SPTSSB: variants seen among roughly 807,000 people sequenced by gnomAD.
SPTSSB encodes androgen down regulated in mouse prostate.
A neutral mutation model predicts 7.7 loss-of-function variants in SPTSSB; 6 were observed. The observed-to-expected ratio is 0.78, with a 90% CI of 0.43 to 1.54. The LOEUF (loss-of-function observed/expected upper bound fraction) is 1.54, where lower values mean the gene tolerates loss of function less well. Ranked by LOEUF, SPTSSB falls within the 40% of genes most tolerant of loss-of-function variation. The pLI is 0.01. For synonymous variants in SPTSSB, 28 were observed against 29.7 expected, an observed-to-expected ratio of 0.94 and a Z score of 0.19; for missense variants, 91 against 93.0, an observed-to-expected ratio of 0.98 and a Z score of 0.09.
intron 2 of SPTSSB, among the ~76,000 whole-genome samples, chr3:161,350,400 TG>T (rs1714474310): frequency 6.6e-6 from 1 of 152,214 alleles, no homozygotes; most frequent in African/African-American, 2.4e-5. Context: ...TAGTACATTT[TG>T]GTTTAAATTT....
chr3:161,352,363 C>T (rs1714581062), intron 2 of SPTSSB, among the ~76,000 whole-genome samples: 1 of 152,142 alleles, frequency 6.6e-6, no homozygotes, highest in African/African-American at 2.4e-5. Context: ...TAAGCTATTG[C>T]TTAAAGAAGC....
chr3:161,361,417 T>C (rs1441717081), intron 1 of SPTSSB, among the ~76,000 whole-genome samples: 2 of 152,178 alleles, frequency 1.3e-5, no homozygotes, highest in Non-Finnish European at 2.9e-5. Flanking sequence ...AGATAGTATT[T>C]CTACAGTAGA....
chr3:161,359,673 T>A, intron 2 of SPTSSB, 129 bp downstream of exon 2: 1 of 925,568 alleles, frequency 1.1e-6, no homozygotes, highest in Non-Finnish European at 1.3e-6. Context: ...GCCAATATAA[T>A]ATCTAGTGTA....
chr3:161,371,504 G>T lies in SPTSSB; in HGVS notation c.-195C>A. The T allele has an allele frequency of 1.0e-6, 1 of 985,488 alleles. No individual in the cohort carries two copies. The highest frequency in any genetic ancestry group is 1.2e-6 in the Non-Finnish European group (1 of 830,012). 61.0% of individuals were successfully genotyped at this position (985,488 alleles called of 1,614,324 possible). A position where few individuals can be genotyped will look rare whatever the true frequency, so the allele number is the denominator to read the frequency against. On this transcript the variant is annotated 5_prime_UTR_variant, in exon 1 of 3. Transcript: ENST00000620149. ...GCTTTGGCTCCTCCCCAGCTGCTGC[G>T]AGCTTCCCACTGCGCCGGGCGCCTG...
chr3:161,359,524 G>A lies in SPTSSB; in HGVS notation c.-33+278C>T, dbSNP rs1169841424. 3 of 169,018 alleles carry A rather than the reference G, an allele frequency of 1.8e-5. No individual in the cohort carries two copies. The East Asian group carries it at 5.7e-4, about 32-fold the overall frequency. 10.5% of individuals were successfully genotyped at this position (169,018 alleles called of 1,614,324 possible). A position where few individuals can be genotyped will look rare whatever the true frequency, so the allele number is the denominator to read the frequency against. On this transcript the variant is annotated intron_variant, in intron 2 of 2. Coordinates refer to ENST00000620149, the MANE Select transcript of SPTSSB (RefSeq NM_001040100.2). The stretch of plus-strand genomic sequence containing the variant: ...CAAGGACTTGGGGGGAGGGTCCTAT[G>A]GACCCCTTGCAATGTAGGCAAATTT...
At chr3:161,348,418 G>A (rs1485000063) in intron 2 of SPTSSB, among the ~76,000 whole-genome samples, 1 of 152,174 alleles carries the variant, frequency 6.6e-6, no homozygotes, top group Non-Finnish European at 1.5e-5. Context: ...CCTTGAGAAA[G>A]ACCCTGAGCC....
chr3:161,360,228 T>C (rs1297213084), intron 1 of SPTSSB, among the ~76,000 whole-genome samples: 3 of 152,220 alleles, frequency 2.0e-5, no homozygotes, highest in Non-Finnish European at 4.4e-5. Flanking sequence ...CTGCTTTTGA[T>C]CTGCTCTCTA....
At chr3:161,350,922 G>A (rs1576895429) in intron 2 of SPTSSB, among the ~76,000 whole-genome samples, 1 of 152,016 alleles carries the variant, frequency 6.6e-6, no homozygotes, top group East Asian at 1.9e-4. Flanking sequence ...TACCTCTGTG[G>A]TCTTCTTCCC....
At chr3:161,354,434 G>A (rs372902584) in intron 2 of SPTSSB, among the ~76,000 whole-genome samples, 6 of 152,274 alleles carry the variant, frequency 3.9e-5, no homozygotes, top group East Asian at 3.9e-4. Context: ...CTTGAACTCC[G>A]GGGCTCAAGA....
At chr3:161,369,314 C>CTCTTTCTTTCTTTCTT (rs1553804940) in intron 1 of SPTSSB, among the ~76,000 whole-genome samples, 150 of 65,718 alleles carry the variant, frequency 2.3e-3, no homozygotes, top group Non-Finnish European at 3.2e-3. Flanking sequence ...TTCTTTCTTT[C>CTCTTTCTTTCTTTCTT]TCTTTCTTTC....
At chr3:161,349,427 C>T (rs760538680) in intron 2 of SPTSSB, among the ~76,000 whole-genome samples, 1 of 152,204 alleles carries the variant, frequency 6.6e-6, no homozygotes, top group Non-Finnish European at 1.5e-5. Context: ...TGATATTAAT[C>T]TATCCACTTC....
intron 2 of SPTSSB, among the ~76,000 whole-genome samples, chr3:161,352,913 A>T (rs1186667108): frequency 6.6e-6 from 1 of 152,204 alleles, no homozygotes; most frequent in East Asian, 1.9e-4. Context: ...TTTAAATCCT[A>T]TTGAAATAGC....
At chr3:161,350,881 T>A (rs1714503977) in intron 2 of SPTSSB, among the ~76,000 whole-genome samples, 1 of 152,150 alleles carries the variant, frequency 6.6e-6, no homozygotes, top group South Asian at 2.1e-4. Flanking sequence ...ATATGAATAA[T>A]CTTCATGATA....
intron 1 of SPTSSB, among the ~76,000 whole-genome samples, chr3:161,366,872 G>T (rs1715244756): frequency 6.6e-6 from 1 of 152,094 alleles, no homozygotes; most frequent in South Asian, 2.1e-4. Flanking sequence ...TACATGTATT[G>T]ATTTTATAAA....
chr3:161,369,314 C>CTTTCTTTCTTTCTT (rs1278233391), intron 1 of SPTSSB, among the ~76,000 whole-genome samples: 59 of 65,704 alleles, frequency 9.0e-4, no homozygotes, highest in East Asian at 5.1e-3. Context: ...TTCTTTCTTT[C>CTTTCTTTCTTTCTT]TCTTTCTTTC....
At chr3:161,368,132 TGTG>T (rs1249274772) in intron 1 of SPTSSB, among the ~76,000 whole-genome samples, 1 of 152,254 alleles carries the variant, frequency 6.6e-6, no homozygotes, top group Non-Finnish European at 1.5e-5. Flanking sequence ...TATATTTTAA[TGTG>T]GTCATTGGGG....
In SPTSSB at chr3:161,359,340, T is replaced by C. The variant is rs1005739578; in HGVS notation, c.-33+462A>G. The C allele has an allele frequency of 5.9e-5, 9 of 152,372 alleles. No homozygotes were observed. In the East Asian group the frequency reaches 1.7e-3, roughly 29 times the overall value. The allele number at this position is 152,372 out of a possible 1,614,324, so 9.4% of individuals were successfully genotyped here. A position where few individuals can be genotyped will look rare whatever the true frequency, so the allele number is the denominator to read the frequency against. On this transcript the variant is annotated intron_variant, in intron 2 of 2. Coordinates refer to ENST00000620149, the MANE Select transcript of SPTSSB (RefSeq NM_001040100.2). ...GTACCAAAGGTCTTCAAGGGTAAGA[T>C]GCTGCTCCATTTAAATAAAAGATGA... is the stretch of plus-strand genomic sequence containing the variant.
chr3:161,371,343 C>T, intron 1 of SPTSSB, 92 bp downstream of exon 1: 1 of 821,126 alleles, frequency 1.2e-6, no homozygotes, highest in Non-Finnish European at 1.5e-6. Flanking sequence ...TGCATTAAAG[C>T]TCAGTATTAA....
At chr3:161,364,497 A>C (rs1415805781) in intron 1 of SPTSSB, among the ~76,000 whole-genome samples, 1 of 152,184 alleles carries the variant, frequency 6.6e-6, no homozygotes, top group Non-Finnish European at 1.5e-5. Flanking sequence ...GTCACAAGTT[A>C]GCTTTTCATC....
Sources: gnomAD v4.1 joint callset for allele counts (sites outside exome capture counted in the v4.1 genomes callset) on GRCh38, gnomAD v4.1.1 for gene constraint, MANE v1.5 for transcripts, NCBI Gene and HGNC (gene_info 2026-07-23, HGNC 2026-07-21) for gene names.